Variants in VWF observed in about 807,000 individuals in gnomAD.
VWF encodes Factor VIII related antigen.
Under a neutral mutation model 308.6 loss-of-function variants are expected in VWF, and 176 were observed. That is an observed-to-expected ratio of 0.57 (90% confidence interval 0.50 to 0.65). VWF has a LOEUF of 0.65. Ranked by LOEUF, VWF falls within the 30% of genes least tolerant of loss-of-function variation. The pLI, the probability that VWF is intolerant of heterozygous loss-of-function variation, is 0.00. For synonymous variants in VWF, 1,385 were observed against 1,443.4 expected, an observed-to-expected ratio of 0.96 and a Z score of 0.92; for missense variants, 3,146 against 3,648.2, an observed-to-expected ratio of 0.86 and a Z score of 3.55.
At chr12:6,073,556 C>G in intron 8 of VWF, 63 bp downstream of exon 8, 1 of 1,611,886 alleles carries the variant, frequency 6.2e-7, no homozygotes, top group South Asian at 1.1e-5. Context: ...CTTCATCTCA[C>G]TTCCCAAAGC....
chr12:6,093,815 G>T lies in VWF; in HGVS notation c.657+1645C>A, dbSNP rs144144282. ...CAAAGACCATCTTTACCTGTGGCAG[G>T]TGAAGGCAGAGTGTGGTCTGGCCAC... is the stretch of plus-strand genomic sequence containing the variant. On this transcript the variant is annotated intron_variant, in intron 6 of 51. Coordinates refer to ENST00000261405, the MANE Select transcript of VWF (RefSeq NM_000552.5). 1.6e-3 allele frequency among the ~76,000 whole-genome samples: 239 copies of T among 152,336 alleles called. 3 individuals are homozygous for T. Among genetic ancestry groups the T allele is most frequent in the African/African-American group, 5.3e-3 (221 of 41,582 alleles).
chr12:6,099,549 G>C (rs1565389383), intron 5 of VWF, among the ~76,000 whole-genome samples: 1 of 152,042 alleles, frequency 6.6e-6, no homozygotes, highest in Non-Finnish European at 1.5e-5. Context: ...GAAACATGAT[G>C]AAACAGTCCA....
rs1944212573 is a variant in VWF at position 6,027,857 on chromosome 12, CA to C, written c.2967+1484del. On this transcript the variant is annotated intron_variant, in intron 22 of 51. Transcript: ENST00000261405. Reference sequence around the variant, plus strand: ...AATACATGGAAGACACATACACACACACACACACACACACACACACACACAC... The same window carrying C: ...AATACATGGAAGACACATACACACACCACACACACACACACACACACACAC... Among the ~76,000 whole-genome samples the C allele has an allele frequency of 2.0e-5, 3 of 151,500 alleles. No individual in the cohort carries two copies. In the South Asian group the frequency reaches 6.3e-4, roughly 32 times the overall value.
At chr12:6,078,665 C>A (rs1449023801) in intron 6 of VWF, among the ~76,000 whole-genome samples, 1 of 152,320 alleles carries the variant, frequency 6.6e-6, no homozygotes, top group Non-Finnish European at 1.5e-5. Context: ...GCAGTCCCTG[C>A]ACCACAGGAC....
intron 42 of VWF, among the ~76,000 whole-genome samples, chr12:5,980,101 AGG>A: frequency 4.8e-5 from 1 of 21,048 alleles, no homozygotes; most frequent in Non-Finnish European, 1.3e-4. Context: ...AAAGGAAGGA[AGG>A]AAGGAAGGAA....
At chr12:6,105,878 T>C (rs1447893261) in intron 5 of VWF, among the ~76,000 whole-genome samples, 2 of 145,334 alleles carry the variant, frequency 1.4e-5, no homozygotes, top group African/African-American at 5.2e-5. Flanking sequence ...CTACTAAAAA[T>C]ACAAAAAAAA....
chr12:6,050,109 T>G (rs1944492928), intron 16 of VWF, among the ~76,000 whole-genome samples: 1 of 152,158 alleles, frequency 6.6e-6, no homozygotes, highest in Admixed American at 6.5e-5. Context: ...ACCAAGATGG[T>G]AACTCAAAGT....
chr12:6,101,453 AGTAAG>A lies in VWF; in HGVS notation c.533-5874_533-5870del, dbSNP rs768457686. Among the ~76,000 whole-genome samples the A allele has an allele frequency of 8.5e-4, 130 of 152,096 alleles. 1 individual carries two copies. The highest frequency in any genetic ancestry group is 1.5e-3 in the Non-Finnish European group (100 of 67,984). ...AAAGAGCTTAAAAAAAAAAAATGGA[AGTAAG>A]GTAAAGATTAAAAAAGGGATGAAAT... On this transcript the variant is annotated intron_variant, in intron 5 of 51. Coordinates refer to ENST00000261405, the MANE Select transcript of VWF (RefSeq NM_000552.5).
chr12:5,999,205 C>G (rs921292173), intron 34 of VWF, among the ~76,000 whole-genome samples: 2 of 152,084 alleles, frequency 1.3e-5, no homozygotes, highest in Non-Finnish European at 2.9e-5. Context: ...TCTATAACCA[C>G]CACTACCACC....
rs369852695 is a variant in VWF, at chr12:6,063,004, C to T, written c.1483G>A (p.Gly495Arg). The T allele has an allele frequency of 6.4e-5, 104 of 1,613,468 alleles. 1 individual carries two copies. In the South Asian group the frequency reaches 9.3e-4, roughly 14 times the overall value. Reference protein sequence around the residue: ...TVTASVRLSYGEDLQMDWDGR... With the variant: ...TVTASVRLSYREDLQMDWDGR... Reference sequence around the variant, plus strand: ...TCCCAGTCCATCTGCAGGTCCTCCCCGTAGCTGAGGCGCACGGAGGCCGTC... The same window carrying T: ...TCCCAGTCCATCTGCAGGTCCTCCCTGTAGCTGAGGCGCACGGAGGCCGTC... The change falls in exon 13 of 52, where the codon GGG becomes AGG. Residue 495 changes from glycine (G) to arginine (R), a missense_variant. Transcript: ENST00000261405. This position sits in a 1 kb window ranked among gnomAD's most constrained non-coding sequence, Gnocchi z 4.9.
At position 6,020,519 on chromosome 12, in the gene VWF, C is replaced by A. The variant is rs4021570; in HGVS notation, c.3675-776G>T. Among the ~76,000 whole-genome samples, 9,749 of 152,304 alleles carry A rather than the reference C, an allele frequency of 0.064. 1,015 individuals are homozygous for A. Among genetic ancestry groups the A allele is most frequent in the African/African-American group, 0.22 (9,038 of 41,522 alleles). On this transcript the variant is annotated intron_variant, in intron 27 of 51. Coordinates refer to ENST00000261405, the MANE Select transcript of VWF (RefSeq NM_000552.5). The surrounding 1 kb of genome is among the most constrained non-coding windows in gnomAD (Gnocchi z 4.3). ...AAGTCTGTAGTAGAGCAGTGGCCCC[C>A]CACACACAAATTCCTACACTACCAT...
intron 37 of VWF, among the ~76,000 whole-genome samples, chr12:5,992,510 GTTGT>G (rs1043061894): frequency 6.6e-6 from 1 of 152,222 alleles, no homozygotes; most frequent in Admixed American, 6.5e-5. Context: ...CCTCCGATCA[GTTGT>G]ATGACAGAAA....
In VWF at chr12:6,107,670, A is replaced by ATT. The variant is rs1469600725; in HGVS notation, c.532+2702_532+2703dup. On this transcript the variant is annotated intron_variant, in intron 5 of 51. Transcript: ENST00000261405. ...AAAGATTCAATATATATATATATAT[A>ATT]TTTTTTGAGACGGAGTCTCACTCTG... 7.3e-4 allele frequency among the ~76,000 whole-genome samples: 111 copies of ATT among 151,480 alleles called. 1 individual carries two copies. In the East Asian group the frequency reaches 8.0e-3, roughly 11 times the overall value.
chr12:6,113,933 A>C (rs546916980), intron 3 of VWF, among the ~76,000 whole-genome samples: 4 of 152,228 alleles, frequency 2.6e-5, no homozygotes, highest in African/African-American at 9.6e-5. Flanking sequence ...CCAGAGCAGA[A>C]GCCTCCACCT....
chr12:6,108,980 CA>C (rs748182676), intron 5 of VWF, among the ~76,000 whole-genome samples: 1,747 of 63,866 alleles, frequency 0.027, 8 homozygotes, highest in Non-Finnish European at 0.038. Context: ...GACTCCGTCT[CA>C]AAAAAAAAAA....
chr12:5,971,018 T>C (rs1203682650), intron 44 of VWF, among the ~76,000 whole-genome samples: 1 of 152,188 alleles, frequency 6.6e-6, no homozygotes. Flanking sequence ...ACAGCTGAAC[T>C]GCTCTGTGTT....
rs1215421089 is a variant in VWF, at chr12:6,078,320, G to T, written c.658-2769C>A. Among the ~76,000 whole-genome samples, 4 of 152,182 alleles carry T rather than the reference G, an allele frequency of 2.6e-5. No individual in the cohort carries two copies. In the East Asian group the frequency reaches 7.7e-4, roughly 29 times the overall value. Reference sequence around the variant, plus strand: ...TTCTCCAGAACAAAGTGAGTTTCTAGTAGCAGGGAGGGAACCTCTCTTCTT... The same window carrying T: ...TTCTCCAGAACAAAGTGAGTTTCTATTAGCAGGGAGGGAACCTCTCTTCTT... On this transcript the variant is annotated intron_variant, in intron 6 of 51. Coordinates refer to ENST00000261405, the MANE Select transcript of VWF (RefSeq NM_000552.5).
chr12:6,096,107 A>AGATG (rs58581042), intron 5 of VWF: 14,047 of 156,006 alleles, frequency 0.09, 825 homozygotes, highest in Non-Finnish European at 0.13. Context: ...ATGGATGGAT[A>AGATG]GATGGATGGA....
intron 3 of VWF, among the ~76,000 whole-genome samples, chr12:6,119,570 G>A (rs1183786259): frequency 1.3e-5 from 2 of 152,204 alleles, no homozygotes; most frequent in Non-Finnish European, 2.9e-5. Context: ...TTCAGACCAG[G>A]CATGGTGGCT....
Sources: gnomAD v4.1 joint callset for allele counts (sites outside exome capture counted in the v4.1 genomes callset) on GRCh38, gnomAD v4.1.1 for gene constraint, Gnocchi (gnomAD v3.1) non-coding constraint, MANE v1.5 for transcripts, NCBI Gene and HGNC (gene_info 2026-07-23, HGNC 2026-07-21) for gene names.